The following CDH2 variants were observed in gnomAD, a reference collection of about 807,000 sequenced individuals.
CDH2 encodes cadherin 2, also known as cadherin-2.
A neutral mutation model predicts 92.0 loss-of-function variants in CDH2; 17 were observed. The ratio of observed to expected loss-of-function variants is 0.18; its 90% CI spans 0.13 to 0.28. The LOEUF (loss-of-function observed/expected upper bound fraction) is 0.28. CDH2 is among the 10% of genes least tolerant of loss of function. The probability of loss-of-function intolerance (pLI) is 1.00; values close to 1 mark genes in which losing one functional copy is unlikely to be tolerated. For missense variants in CDH2, 862 were observed against 1,133.1 expected, an observed-to-expected ratio of 0.76 and a Z score of 3.44; for synonymous variants, 419 against 415.9, an observed-to-expected ratio of 1.01 and a Z score of -0.09.
chr18:27,963,233 T>A, intron 15 of CDH2, 124 bp downstream of exon 15: 1 of 795,948 alleles, frequency 1.3e-6, no homozygotes. Context: ...AAGATGAACT[T>A]CAGAAACACA....
At chr18:28,140,978 A>G (rs1415250349) in intron 2 of CDH2, among the ~76,000 whole-genome samples, 1 of 151,346 alleles carries the variant, frequency 6.6e-6, no homozygotes, top group Non-Finnish European at 1.5e-5. Context: ...ATGAGGTACC[A>G]TTTCACACCT....
chr18:28,023,121 C>G (rs656642), intron 2 of CDH2, among the ~76,000 whole-genome samples: 40,983 of 151,970 alleles, frequency 0.27, 5,786 homozygotes, highest in South Asian at 0.37. Flanking sequence ...GAATAAAGCT[C>G]TAGCGATTTA....
intron 2 of CDH2, among the ~76,000 whole-genome samples, chr18:28,067,514 T>C (rs546709918): frequency 6.6e-6 from 1 of 152,322 alleles, no homozygotes; most frequent in East Asian, 1.9e-4. Flanking sequence ...CTTCTTTCAC[T>C]TAGCACAGTG....
intron 4 of CDH2, among the ~76,000 whole-genome samples, chr18:28,010,684 G>T (rs1167951298): frequency 6.6e-5 from 10 of 150,550 alleles, no homozygotes; most frequent in Admixed American, 6.6e-4. Flanking sequence ...TTTTTTTGCG[G>T]GGGGGGAAGG....
intron 2 of CDH2, among the ~76,000 whole-genome samples, chr18:28,143,841 T>A (rs2015992758): frequency 6.6e-6 from 1 of 152,034 alleles, no homozygotes; most frequent in African/African-American, 2.4e-5. Context: ...GATCATTTCC[T>A]TTGCAGGGAC....
intron 15 of CDH2, among the ~76,000 whole-genome samples, chr18:27,963,014 T>C (rs1249331765): frequency 6.6e-6 from 1 of 152,148 alleles, no homozygotes; most frequent in African/African-American, 2.4e-5. Flanking sequence ...TTAATGCTAA[T>C]AAATGAAATT....
chr18:28,092,674 A>G (rs2015058731), intron 2 of CDH2, among the ~76,000 whole-genome samples: 1 of 152,156 alleles, frequency 6.6e-6, no homozygotes, highest in Non-Finnish European at 1.5e-5. Context: ...TCTTTGAAGA[A>G]ACCACAGCAA....
chr18:28,036,445 G>T, intron 2 of CDH2: 3 of 1,080,428 alleles, frequency 2.8e-6, no homozygotes, highest in Non-Finnish European at 2.9e-6. Flanking sequence ...CCATGTTATG[G>T]AATGAATAAG....
intron 14 of CDH2, among the ~76,000 whole-genome samples, chr18:27,971,361 TATC>T (rs2011654431): frequency 6.6e-6 from 1 of 150,920 alleles, no homozygotes. Context: ...TTCAAATCTT[TATC>T]ATTGTTATTA....
chr18:28,075,496 G>C (rs774307049), intron 2 of CDH2, among the ~76,000 whole-genome samples: 1 of 152,148 alleles, frequency 6.6e-6, no homozygotes, highest in Non-Finnish European at 1.5e-5. Context: ...AACAAACAGG[G>C]AACTGACATG....
chr18:28,105,318 A>C (rs1317252614), intron 2 of CDH2, among the ~76,000 whole-genome samples: 1 of 152,176 alleles, frequency 6.6e-6, no homozygotes, highest in Non-Finnish European at 1.5e-5. Context: ...AATTAATGCA[A>C]ATTTTAAAGT....
intron 2 of CDH2, among the ~76,000 whole-genome samples, chr18:28,083,474 T>C (rs1357895806): frequency 1.3e-5 from 2 of 152,118 alleles, no homozygotes; most frequent in African/African-American, 2.4e-5. Context: ...TAATTAATTA[T>C]TAAAATTTGA....
chr18:28,010,092 A>T (rs2013053237), intron 4 of CDH2, among the ~76,000 whole-genome samples: 1 of 152,216 alleles, frequency 6.6e-6, no homozygotes, highest in African/African-American at 2.4e-5. Flanking sequence ...AGGCAACATT[A>T]ACATCTAAAA....
chr18:28,098,932 C>T (rs2015182649), intron 2 of CDH2, among the ~76,000 whole-genome samples: 1 of 151,980 alleles, frequency 6.6e-6, no homozygotes, highest in East Asian at 1.9e-4. Context: ...CAGATATGGA[C>T]TTCACAAATA....
chr18:28,120,219 A>G (rs1303950174), intron 2 of CDH2, among the ~76,000 whole-genome samples: 1 of 152,100 alleles, frequency 6.6e-6, no homozygotes, highest in Admixed American at 6.6e-5. Context: ...ATCATGATTG[A>G]AACTACACAC....
At chr18:27,953,337 T>G (rs1909555184) in intron 15 of CDH2, among the ~76,000 whole-genome samples, 1 of 152,200 alleles carries the variant, frequency 6.6e-6, no homozygotes, top group Non-Finnish European at 1.5e-5. Context: ...TCTGCAAAAC[T>G]TCTAAGGATT....
intron 2 of CDH2, among the ~76,000 whole-genome samples, chr18:28,027,782 CT>C (rs1240216662): frequency 4.0e-5 from 6 of 151,584 alleles, no homozygotes; most frequent in Admixed American, 1.3e-4. Flanking sequence ...AATGAAAACT[CT>C]TTCTTTTGAC....
chr18:28,044,736 G>A (rs565162979), intron 2 of CDH2, among the ~76,000 whole-genome samples: 2 of 151,874 alleles, frequency 1.3e-5, no homozygotes, highest in South Asian at 4.2e-4. Flanking sequence ...AGATGTGGAA[G>A]CTTGCACATG....
At chr18:28,155,019 G>A (rs1230150946) in intron 1 of CDH2, among the ~76,000 whole-genome samples, 1 of 152,080 alleles carries the variant, frequency 6.6e-6, no homozygotes, top group Non-Finnish European at 1.5e-5. Flanking sequence ...AGATTCCATG[G>A]TCACAATCTT....
Sources: allele counts gnomAD v4.1 joint callset (sites outside exome capture counted in the v4.1 genomes callset), GRCh38; gene constraint gnomAD v4.1.1; transcripts MANE v1.5; gene names NCBI Gene and HGNC (gene_info 2026-07-23, HGNC 2026-07-21).